The following CPB2 variants were observed in gnomAD, a reference collection of about 807,000 sequenced individuals.
The protein encoded by CPB2 is carboxypeptidase B-like protein.
In CPB2, 54 loss-of-function variants were observed where a neutral mutation model predicts 57.0. That is an observed-to-expected ratio of 0.95 (90% CI 0.76 to 1.19). The LOEUF is 1.19. CPB2 is among the 50% of genes most tolerant of loss of function. The pLI, the probability that CPB2 is intolerant of heterozygous loss-of-function variation, is 0.00. For synonymous variants in CPB2, 189 were observed against 178.1 expected (o/e 1.06, Z -0.49); for missense variants, 426 against 512.0 (o/e 0.83, Z 1.62).
chr13:46,085,260 GA>G (rs1316218983), intron 2 of CPB2, among the ~76,000 whole-genome samples: 1 of 152,182 alleles, frequency 6.6e-6, no homozygotes, highest in Non-Finnish European at 1.5e-5. Flanking sequence ...GTTCATACCT[GA>G]CATCTAAAAT....
In CPB2 at chr13:46,083,409, C is replaced by T. The variant is rs181899236; in HGVS notation, c.275+810G>A. 1.6e-3 allele frequency among the ~76,000 whole-genome samples: 240 copies of T among 152,220 alleles called. 5 individuals carry two copies. The highest frequency in any genetic ancestry group is 0.013 in the Admixed American group (196 of 15,282). On this transcript the variant is annotated intron_variant, in intron 3 of 10. Coordinates refer to ENST00000181383, the MANE Select transcript of CPB2 (RefSeq NM_001872.5). ...AAGGTTCAGCACAGTTCCTGGAAAA[C>T]AGTACACACCTATAATATACTCTAT...
chr13:46,078,961 A>G (rs1481470798), intron 4 of CPB2, 60 bp from the exon 5 acceptor site: 4 of 1,063,916 alleles, frequency 3.8e-6, no homozygotes, highest in Non-Finnish European at 5.8e-6. Context: ...TTCCCTGACC[A>G]AAGCAAGCAG....
chr13:46,054,059 G>T (rs2044641631), intron 10 of CPB2, among the ~76,000 whole-genome samples: 1 of 152,120 alleles, frequency 6.6e-6, no homozygotes, highest in Non-Finnish European at 1.5e-5. Context: ...CCAAATGGAC[G>T]TCAAAAGAAC....
chr13:46,059,962 C>T (rs1165032306), intron 8 of CPB2, among the ~76,000 whole-genome samples: 10 of 152,160 alleles, frequency 6.6e-5, no homozygotes, highest in Admixed American at 2.6e-4. Context: ...TTTGATAGTT[C>T]GGTCACCTTT....
At chr13:46,053,851 C>T (rs2044631284) in intron 10 of CPB2, 53 bp from the exon 11 acceptor site, 4 of 1,520,004 alleles carry the variant, frequency 2.6e-6, no homozygotes, top group Admixed American at 1.8e-5. Context: ...AATTAATTTA[C>T]AAACTGGGAA....
chr13:46,060,507 G>T (rs1482019310), intron 8 of CPB2, among the ~76,000 whole-genome samples: 1 of 152,058 alleles, frequency 6.6e-6, no homozygotes, highest in African/African-American at 2.4e-5. Context: ...ATTCAATATT[G>T]TAATTTATTT....
At chr13:46,082,981 TC>T (rs989637471) in intron 3 of CPB2, among the ~76,000 whole-genome samples, 1 of 151,870 alleles carries the variant, frequency 6.6e-6, no homozygotes. Context: ...TCTTATTTTT[TC>T]CCCCATTGAC....
At chr13:46,073,756 C>A in intron 6 of CPB2, 117 bp downstream of exon 6, 1 of 603,756 alleles carries the variant, frequency 1.7e-6, no homozygotes. Context: ...TGTAGATTCC[C>A]AAGCTTCATG....
intron 4 of CPB2, among the ~76,000 whole-genome samples, chr13:46,080,262 A>G (rs1269384978): frequency 1.3e-5 from 2 of 152,180 alleles, no homozygotes; most frequent in East Asian, 1.9e-4. Flanking sequence ...GTGTGAGTCA[A>G]TGACAAAATA....
At chr13:46,069,257 G>A (rs1433449475) in intron 6 of CPB2, among the ~76,000 whole-genome samples, 1 of 152,210 alleles carries the variant, frequency 6.6e-6, no homozygotes, top group Non-Finnish European at 1.5e-5. Flanking sequence ...TGTGCTGTGT[G>A]CCAAGCCACA....
intron 1 of CPB2, among the ~76,000 whole-genome samples, chr13:46,089,228 A>G (rs2045255887): frequency 6.6e-6 from 1 of 151,758 alleles, no homozygotes; most frequent in South Asian, 2.1e-4. Context: ...CCACTATGTC[A>G]ATTTTGTCAT....
chr13:46,067,512 G>A (rs2044875095), intron 6 of CPB2, 95 bp from the exon 7 acceptor site: 1 of 669,272 alleles, frequency 1.5e-6, no homozygotes. Context: ...CATTTGGCAT[G>A]TTTAGATTTG....
intron 1 of CPB2, chr13:46,097,375 A>T (rs2045380504): frequency 6.6e-6 from 1 of 152,208 alleles, no homozygotes; most frequent in Non-Finnish European, 1.5e-5. Flanking sequence ...ACCATTCCTC[A>T]TAGAGACCAG....
At chr13:46,101,800 G>A (rs1169006911) in intron 1 of CPB2, among the ~76,000 whole-genome samples, 1 of 152,222 alleles carries the variant, frequency 6.6e-6, no homozygotes, top group East Asian at 1.9e-4. Context: ...CTCGAATCCA[G>A]ATCCTGAGCT....
intron 4 of CPB2, among the ~76,000 whole-genome samples, chr13:46,079,172 C>T (rs1337570145): frequency 1.3e-5 from 2 of 152,148 alleles, no homozygotes; most frequent in Admixed American, 6.5e-5. Context: ...ACTATGGCCC[C>T]TGAAAGTTAC....
chr13:46,086,582 T>C (rs1245806959), intron 2 of CPB2, among the ~76,000 whole-genome samples: 1 of 152,180 alleles, frequency 6.6e-6, no homozygotes, highest in Non-Finnish European at 1.5e-5. Flanking sequence ...GATTGGTTCA[T>C]GGGTGGCCAT....
chr13:46,055,984 A>G, intron 9 of CPB2, 135 bp from the exon 10 acceptor site: 1 of 452,244 alleles, frequency 2.2e-6, no homozygotes, highest in South Asian at 4.8e-5. Flanking sequence ...CTAAAAGGCA[A>G]ATAAATAAGG....
intron 8 of CPB2, among the ~76,000 whole-genome samples, chr13:46,060,385 C>T (rs893830913): frequency 5.9e-5 from 9 of 151,686 alleles, no homozygotes; most frequent in African/African-American, 1.9e-4. Context: ...TTGCTTGAAC[C>T]CAGGAGGCAG....
At chr13:46,085,724 T>C (rs578023792) in intron 2 of CPB2, among the ~76,000 whole-genome samples, 9 of 152,336 alleles carry the variant, frequency 5.9e-5, no homozygotes, top group African/African-American at 1.7e-4. Context: ...TCTTAACCTC[T>C]GCTTCTTGGA....
Sources: gnomAD v4.1 joint callset for allele counts (sites outside exome capture counted in the v4.1 genomes callset) on GRCh38, gnomAD v4.1.1 for gene constraint, MANE v1.5 for transcripts, NCBI Gene and HGNC (gene_info 2026-07-23, HGNC 2026-07-21) for gene names.